The following EBF1 variants were observed in gnomAD, a reference collection of about 807,000 sequenced individuals.
The protein encoded by EBF1 is transcription factor COE1.
In EBF1, 10 loss-of-function variants were observed where a neutral mutation model predicts 68.4. The ratio of observed to expected loss-of-function variants is 0.15; its 90% confidence interval spans 0.09 to 0.25. The LOEUF (loss-of-function observed/expected upper bound fraction) is 0.25, where lower values mean the gene tolerates loss of function less well. EBF1 is among the 10% of genes least tolerant of loss of function. EBF1 has a pLI of 1.00. For synonymous variants in EBF1, 298 were observed against 299.8 expected, an observed-to-expected ratio of 0.99 and a Z score of 0.06; for missense variants, 509 against 794.4, an observed-to-expected ratio of 0.64 and a Z score of 4.32.
intron 10 of EBF1, among the ~76,000 whole-genome samples, chr5:158,758,550 T>TA (rs1222868600): frequency 6.6e-6 from 1 of 152,260 alleles, no homozygotes; most frequent in Non-Finnish European, 1.5e-5. Flanking sequence ...ATGACTTTTT[T>TA]AAAAAAACAT....
At chr5:158,845,629 T>A (rs1791311328) in intron 6 of EBF1, among the ~76,000 whole-genome samples, 1 of 150,722 alleles carries the variant, frequency 6.6e-6, no homozygotes, top group South Asian at 2.1e-4. Flanking sequence ...ACTCTTTAAA[T>A]GTTAAGGTCA....
At chr5:159,087,279 T>TATATATATACACACAC (rs1780820645) in intron 4 of EBF1, among the ~76,000 whole-genome samples, 5 of 139,746 alleles carry the variant, frequency 3.6e-5, no homozygotes, top group African/African-American at 1.2e-4. Context: ...CACACACACA[T>TATATATATACACACAC]ATATATATAT....
chr5:159,019,155 TTATTAAAGTC>T (rs1766181402), intron 6 of EBF1: 1 of 152,206 alleles, frequency 6.6e-6, no homozygotes, highest in Non-Finnish European at 1.5e-5. Context: ...TTTTAAATGT[TTATTAAAGTC>T]TACTGGGGGT....
chr5:158,876,252 T>C (rs1042698137), intron 6 of EBF1, among the ~76,000 whole-genome samples: 1 of 152,188 alleles, frequency 6.6e-6, no homozygotes. Flanking sequence ...AGGCACTGTC[T>C]CCTTTAGCCT....
intron 4 of EBF1, among the ~76,000 whole-genome samples, chr5:159,090,257 GA>G (rs59655056): frequency 0.15 from 20,689 of 138,024 alleles, 1,993 homozygotes; most frequent in East Asian, 0.44. Context: ...AAAAAAGAAA[GA>G]AAAAAAAAAA....
chr5:158,853,856 CAG>C lies in EBF1; in HGVS notation c.555-13748_555-13747del, dbSNP rs1793459573. Among the ~76,000 whole-genome samples, 10 of 152,276 alleles carry C rather than the reference CAG, an allele frequency of 6.6e-5. No individual in the cohort carries two copies. In the South Asian group the frequency reaches 2.1e-3, roughly 32 times the overall value. On this transcript the variant is annotated intron_variant, in intron 6 of 15. Transcript: ENST00000313708. The stretch of plus-strand genomic sequence containing the variant: ...TCAAAATGATAGAAGCTTTTAAATT[CAG>C]AGTCTCAAATGCAGACCCTACAGAG...
intron 10 of EBF1, among the ~76,000 whole-genome samples, chr5:158,748,739 C>T (rs543703286): frequency 5.5e-4 from 83 of 152,260 alleles, no homozygotes; most frequent in African/African-American, 1.5e-3. Flanking sequence ...GCAAAATTGA[C>T]GTCCTCCCAT....
intron 6 of EBF1, among the ~76,000 whole-genome samples, chr5:158,863,780 T>C (rs1210084966): frequency 1.3e-5 from 2 of 152,244 alleles, no homozygotes; most frequent in South Asian, 2.1e-4. Context: ...ACAAACTCTA[T>C]AAAGTCTCTT....
chr5:158,792,698 C>T (rs1328154947), intron 9 of EBF1, among the ~76,000 whole-genome samples: 1 of 152,152 alleles, frequency 6.6e-6, no homozygotes, highest in Non-Finnish European at 1.5e-5. Context: ...TGGTCTGGGG[C>T]AAAGACTTTG....
intron 10 of EBF1, among the ~76,000 whole-genome samples, chr5:158,766,808 G>T (rs904796604): frequency 3.9e-5 from 6 of 152,126 alleles, no homozygotes; most frequent in African/African-American, 9.7e-5. Flanking sequence ...AACAAAGCAG[G>T]ACGCAAAACT....
chr5:158,941,211 C>A, intron 6 of EBF1: 2 of 455,986 alleles, frequency 4.4e-6, no homozygotes, highest in Admixed American at 2.3e-5. Flanking sequence ...TCATTCCAGA[C>A]ACACACATTT....
At chr5:158,901,770 A>T (rs545997886) in intron 6 of EBF1, among the ~76,000 whole-genome samples, 1 of 152,298 alleles carries the variant, frequency 6.6e-6, no homozygotes, top group South Asian at 2.1e-4. Flanking sequence ...GTTTACACAG[A>T]GAGTGAGTAG....
At chr5:159,046,621 C>T (rs574596178) in intron 6 of EBF1, among the ~76,000 whole-genome samples, 2 of 152,234 alleles carry the variant, frequency 1.3e-5, no homozygotes, top group African/African-American at 4.8e-5. Context: ...TAAACAGGTG[C>T]TTATTGAGTT....
At chr5:158,844,714 G>A (rs183554611) in intron 6 of EBF1, among the ~76,000 whole-genome samples, 112 of 152,230 alleles carry the variant, frequency 7.4e-4, no homozygotes, top group African/African-American at 1.3e-3. Flanking sequence ...GAATGCCTGC[G>A]CTCTTAAACT....
At chr5:158,984,043 G>C (rs1269637113) in intron 6 of EBF1, among the ~76,000 whole-genome samples, 3 of 151,962 alleles carry the variant, frequency 2.0e-5, no homozygotes, top group African/African-American at 4.8e-5. Flanking sequence ...GAGTCCTTTA[G>C]TTAGAAGCTT....
intron 8 of EBF1, among the ~76,000 whole-genome samples, chr5:158,808,115 C>G (rs926201165): frequency 4.2e-4 from 64 of 152,094 alleles, no homozygotes; most frequent in African/African-American, 7.2e-5. Flanking sequence ...CAGATGTTTC[C>G]GTGGTGATGA....
At chr5:158,930,365 A>G (rs182795060) in intron 6 of EBF1, among the ~76,000 whole-genome samples, 1 of 151,998 alleles carries the variant, frequency 6.6e-6, no homozygotes, top group Admixed American at 6.6e-5. Context: ...GCAAATGACT[A>G]ATCAAGGAAA....
At chr5:159,096,574 C>G in intron 2 of EBF1, 168 bp from the exon 3 acceptor site, 1 of 711,980 alleles carries the variant, frequency 1.4e-6, no homozygotes, top group South Asian at 1.8e-5. Flanking sequence ...TCCTCCGCCC[C>G]CTGTTCCTGA....
intron 10 of EBF1, among the ~76,000 whole-genome samples, chr5:158,775,916 T>C (rs1775140114): frequency 6.6e-6 from 1 of 152,120 alleles, no homozygotes; most frequent in Non-Finnish European, 1.5e-5. Flanking sequence ...TTGATTATTC[T>C]TCAAAACTTA....
Sources: gnomAD v4.1 joint callset for allele counts (sites outside exome capture counted in the v4.1 genomes callset) on GRCh38, gnomAD v4.1.1 for gene constraint, MANE v1.5 for transcripts, NCBI Gene and HGNC (gene_info 2026-07-23, HGNC 2026-07-21) for gene names.